Variants in SLC1A1 observed in about 807,000 individuals in gnomAD.
The protein encoded by SLC1A1 is excitatory amino acid transporter 3.
In SLC1A1, 43 loss-of-function variants were observed where a neutral mutation model predicts 53.3. That is an observed-to-expected ratio of 0.81 (90% CI 0.63 to 1.04). SLC1A1 has a LOEUF of 1.04. Ranked by LOEUF, SLC1A1 falls within the 50% of genes least tolerant of loss-of-function variation. SLC1A1 has a pLI of 0.00. For synonymous variants in SLC1A1, 307 were observed against 243.2 expected (o/e 1.26, Z -2.44); for missense variants, 748 against 664.9 (o/e 1.12, Z -1.37).
rs993583270 is a variant in SLC1A1 at position 4,549,833 on chromosome 9, T to A, written c.232+5126T>A. 2.0e-5 allele frequency among the ~76,000 whole-genome samples: 3 copies of A among 152,140 alleles called. No homozygotes were observed. The highest frequency in any genetic ancestry group is 2.0e-4 in the Admixed American group (3 of 15,292). Reference sequence around the variant, plus strand: ...CCACCCTGCTTGTAGAACCTGGGAGTCTGTCCAGGTCAGGCTGGGCCAAGT... The same window carrying A: ...CCACCCTGCTTGTAGAACCTGGGAGACTGTCCAGGTCAGGCTGGGCCAAGT... On this transcript the variant is annotated intron_variant, in intron 2 of 11. Coordinates refer to ENST00000262352, the MANE Select transcript of SLC1A1 (RefSeq NM_004170.6). The surrounding 1 kb of genome is among the most constrained non-coding windows in gnomAD (Gnocchi z 4.1).
At chr9:4,548,118 T>G (rs1160800937) in intron 2 of SLC1A1, among the ~76,000 whole-genome samples, 3 of 152,074 alleles carry the variant, frequency 2.0e-5, no homozygotes, top group Non-Finnish European at 4.4e-5. Context: ...GGGGATGGAG[T>G]CTGGCCTGAG....
chr9:4,490,777 G>C lies in SLC1A1; in HGVS notation c.91+7G>C. The stretch of plus-strand genomic sequence containing the variant: ...GTGGCCGCGGTGGTGCTAGGTGAGC[G>C]GCGCGGCGGGTGGGCGATGCGCGCA... On this transcript the variant is annotated splice_region_variant and intron_variant, in intron 1 of 11. Coordinates refer to ENST00000262352, the MANE Select transcript of SLC1A1 (RefSeq NM_004170.6). 1 of 1,609,422 alleles carries C rather than the reference G, an allele frequency of 6.2e-7. No individual in the cohort carries two copies. The highest frequency in any genetic ancestry group is 8.5e-7 in the Non-Finnish European group (1 of 1,176,690).
At chr9:4,531,971 T>A (rs1816488737) in intron 1 of SLC1A1, among the ~76,000 whole-genome samples, 1 of 151,964 alleles carries the variant, frequency 6.6e-6, no homozygotes, top group African/African-American at 2.4e-5. Flanking sequence ...TCAAGCAAAC[T>A]CCAACAGACC....
At chr9:4,512,716 A>T (rs369607682) in intron 1 of SLC1A1, among the ~76,000 whole-genome samples, 24 of 152,304 alleles carry the variant, frequency 1.6e-4, no homozygotes, top group African/African-American at 5.5e-4. Context: ...AATGAAGCAG[A>T]ACAGAGATTC....
intron 1 of SLC1A1, among the ~76,000 whole-genome samples, chr9:4,506,394 G>A (rs994770753): frequency 6.6e-6 from 1 of 152,176 alleles, no homozygotes; most frequent in Non-Finnish European, 1.5e-5. Context: ...AAGTGGAAAA[G>A]GCCTGAAATA....
intron 1 of SLC1A1, among the ~76,000 whole-genome samples, chr9:4,491,921 C>T (rs571376190): frequency 4.7e-4 from 71 of 152,302 alleles, no homozygotes; most frequent in Non-Finnish European, 8.2e-4. Context: ...CCGAACCGCC[C>T]CCTCCCCTCA....
In SLC1A1 at chr9:4,566,060, G is replaced by A. The variant is rs1355564327; in HGVS notation, c.454G>A (p.Glu152Lys). Residue 152 changes from glutamate to lysine, a missense_variant, in exon 5 of 12, where the codon GAG becomes AAG. Glu to Lys is a moderately conservative substitution (Grantham distance 56, BLOSUM62 1). Coordinates refer to ENST00000262352, the MANE Select transcript of SLC1A1 (RefSeq NM_004170.6). ...TGTCTCCAACAGGAATATGTTCCCT[G>A]AGAATCTTGTCCAGGCCTGTTTTCA... ...MLDLIRNMFP[E>K]NLVQACFQQY... The A allele has an allele frequency of 1.9e-6, 3 of 1,613,486 alleles. No homozygotes were observed. The highest frequency in any genetic ancestry group is 1.7e-6 in the Non-Finnish European group (2 of 1,179,488).
intron 1 of SLC1A1, among the ~76,000 whole-genome samples, chr9:4,533,405 G>T (rs1200999162): frequency 1.3e-5 from 2 of 152,002 alleles, no homozygotes; most frequent in Admixed American, 6.6e-5. Context: ...AAAGGCAGGG[G>T]TTGCAATCCT....
intron 1 of SLC1A1, among the ~76,000 whole-genome samples, chr9:4,541,905 A>T (rs59142613): frequency 2.2e-4 from 34 of 152,262 alleles, no homozygotes; most frequent in Non-Finnish European, 2.2e-4. Flanking sequence ...GTTAATGGGT[A>T]AAGAAAGGTT....
At chr9:4,545,617 C>T (rs1817425559) in intron 2 of SLC1A1, among the ~76,000 whole-genome samples, 2 of 152,224 alleles carry the variant, frequency 1.3e-5, no homozygotes, top group African/African-American at 2.4e-5. Context: ...TGCTATGTGT[C>T]TGCCCTGCAT....
intron 1 of SLC1A1, among the ~76,000 whole-genome samples, chr9:4,495,053 A>T (rs1820365050): frequency 6.6e-6 from 1 of 152,224 alleles, no homozygotes; most frequent in Admixed American, 6.5e-5. Flanking sequence ...AAAATCAGAA[A>T]CAGCTCCTTC....
intron 11 of SLC1A1, among the ~76,000 whole-genome samples, chr9:4,584,424 C>G (rs770904228): frequency 6.6e-6 from 1 of 152,136 alleles, no homozygotes; most frequent in East Asian, 1.9e-4. Context: ...AGTTACCTTC[C>G]CTGCCAAGAT....
At chr9:4,505,447 T>C (rs929639887) in intron 1 of SLC1A1, among the ~76,000 whole-genome samples, 1 of 152,156 alleles carries the variant, frequency 6.6e-6, no homozygotes, top group African/African-American at 2.4e-5. Flanking sequence ...AAGTTACCAG[T>C]ATAATGTTTT....
intron 1 of SLC1A1, among the ~76,000 whole-genome samples, chr9:4,493,644 T>C (rs1820314813): frequency 6.6e-6 from 1 of 152,222 alleles, no homozygotes; most frequent in African/African-American, 2.4e-5. Context: ...GGCTCAGACT[T>C]GTAATCCTAG....
intron 1 of SLC1A1, among the ~76,000 whole-genome samples, chr9:4,505,296 G>A (rs968201834): frequency 4.6e-5 from 7 of 152,084 alleles, no homozygotes; most frequent in African/African-American, 1.2e-4. Flanking sequence ...TGATCCACCT[G>A]CCTTGGCCTC....
chr9:4,538,892 T>G (rs1816781919), intron 1 of SLC1A1, among the ~76,000 whole-genome samples: 1 of 152,236 alleles, frequency 6.6e-6, no homozygotes, highest in Non-Finnish European at 1.5e-5. Flanking sequence ...AGTGTTCTTC[T>G]AAACTTATTT....
intron 1 of SLC1A1, among the ~76,000 whole-genome samples, chr9:4,500,681 T>C (rs181593871): frequency 1.3e-5 from 2 of 152,152 alleles, no homozygotes; most frequent in Admixed American, 1.3e-4. Context: ...CAACAAAGAG[T>C]ACTCTGTTGT....
At chr9:4,534,819 G>A (rs1816612516) in intron 1 of SLC1A1, among the ~76,000 whole-genome samples, 1 of 152,196 alleles carries the variant, frequency 6.6e-6, no homozygotes, top group Admixed American at 6.5e-5. Context: ...TAAAATACTG[G>A]CAAACCAAAT....
chr9:4,540,632 G>C (rs1816923593), intron 1 of SLC1A1, among the ~76,000 whole-genome samples: 1 of 152,178 alleles, frequency 6.6e-6, no homozygotes, highest in Non-Finnish European at 1.5e-5. Context: ...TCCTGTACCT[G>C]CTCACCTGTG....
Sources: allele counts gnomAD v4.1 joint callset (sites outside exome capture counted in the v4.1 genomes callset), GRCh38; gene constraint gnomAD v4.1.1; non-coding constraint Gnocchi (gnomAD v3.1); transcripts MANE v1.5; gene names NCBI Gene and HGNC (gene_info 2026-07-23, HGNC 2026-07-21).